The following ALK variants were observed in gnomAD, a reference collection of about 807,000 sequenced individuals.
The protein encoded by ALK is ALK receptor tyrosine kinase.
A neutral mutation model predicts 163.1 loss-of-function variants in ALK; 74 were observed. That is an observed-to-expected ratio of 0.45 (90% CI 0.38 to 0.55). The LOEUF is 0.55. Among genes scored for constraint, ALK ranks in the 20% least tolerant of loss-of-function variants. The pLI, the probability that ALK is intolerant of heterozygous loss-of-function variation, is 0.00. For synonymous variants in ALK, 960 were observed against 843.2 expected, an observed-to-expected ratio of 1.14 and a Z score of -2.40; for missense variants, 2,063 against 2,105.3, an observed-to-expected ratio of 0.98 and a Z score of 0.39.
intron 2 of ALK, among the ~76,000 whole-genome samples, chr2:29,705,976 G>A (rs561253139): frequency 4.6e-5 from 7 of 152,300 alleles, no homozygotes; most frequent in South Asian, 2.1e-4. Flanking sequence ...GTGGAGAAAC[G>A]TGTGCTCCTC....
In ALK at chr2:29,327,459, G is replaced by A. The variant is rs192222329; in HGVS notation, c.1414+891C>T. 1.9e-4 allele frequency among the ~76,000 whole-genome samples: 29 copies of A among 152,244 alleles called. No homozygotes were observed. The East Asian group carries it at 4.8e-3, about 25-fold the overall frequency. On this transcript the variant is annotated intron_variant, in intron 6 of 28. Transcript: ENST00000389048. The stretch of plus-strand genomic sequence containing the variant: ...AAAAGACAGATAATATGACGTGTTG[G>A]CAAAGATATGGAGAAAGTGGGCCCC...
At chr2:29,470,072 G>C (rs948860074) in intron 4 of ALK, among the ~76,000 whole-genome samples, 2 of 152,094 alleles carry the variant, frequency 1.3e-5, no homozygotes, top group African/African-American at 4.8e-5. Flanking sequence ...AATTCTAGAA[G>C]TGAAAAATAC....
intron 5 of ALK, among the ~76,000 whole-genome samples, chr2:29,381,647 G>A (rs1270795994): frequency 1.3e-5 from 2 of 152,164 alleles, no homozygotes; most frequent in Admixed American, 1.3e-4. Flanking sequence ...CCTTCCTACA[G>A]TCCTGGCCAG....
chr2:29,854,950 CTCTT>C (rs968935060), intron 1 of ALK, among the ~76,000 whole-genome samples: 31 of 152,136 alleles, frequency 2.0e-4, no homozygotes, highest in African/African-American at 7.0e-4. Flanking sequence ...GATCTACCCT[CTCTT>C]TCTTTTTCTT....
intron 3 of ALK, among the ~76,000 whole-genome samples, chr2:29,573,602 A>G (rs1251417966): frequency 6.6e-6 from 1 of 152,238 alleles, no homozygotes; most frequent in Admixed American, 6.5e-5. Flanking sequence ...GAACACCGTC[A>G]GGCCCATTCA....
chr2:29,206,776 GGTGTGTGTGTGTGT>G (rs3028218), intron 26 of ALK, among the ~76,000 whole-genome samples: 7 of 150,268 alleles, frequency 4.7e-5, no homozygotes, highest in Non-Finnish European at 8.9e-5. Context: ...TCCCTTTATT[GGTGTGTGTGTGTGT>G]GTGTGTGTGT....
intron 1 of ALK, among the ~76,000 whole-genome samples, chr2:29,781,926 G>A (rs970185587): frequency 3.9e-5 from 6 of 152,232 alleles, no homozygotes; most frequent in South Asian, 2.1e-4. Flanking sequence ...TGGTCGCCCC[G>A]ACAGCCTGAG....
At chr2:29,544,678 T>C (rs1200338344) in intron 3 of ALK, among the ~76,000 whole-genome samples, 1 of 152,030 alleles carries the variant, frequency 6.6e-6, no homozygotes, top group East Asian at 1.9e-4. Context: ...AAGTCTTTTC[T>C]GCTTGTCTGA....
rs181699771 is a variant in ALK, at chr2:29,584,192, C to T, written c.953-52076G>A. Among the ~76,000 whole-genome samples, 53 of 152,236 alleles carry T rather than the reference C, an allele frequency of 3.5e-4. 1 individual carries two copies. The East Asian group carries it at 9.3e-3, about 27-fold the overall frequency. ...CCTAGGAAACATCTTTGAGTTAAAT[C>T]TAGCAAGATTTACTGAAGGGCAAGG... is the stretch of plus-strand genomic sequence containing the variant. On this transcript the variant is annotated intron_variant, in intron 3 of 28. Transcript: ENST00000389048.
At chr2:29,778,868 C>T (rs72788226) in intron 1 of ALK, among the ~76,000 whole-genome samples, 4,572 of 152,148 alleles carry the variant, frequency 0.03, 84 homozygotes, top group East Asian at 0.08. Context: ...ATAAAGAAAA[C>T]CTTAAGGCCG....
intron 1 of ALK, among the ~76,000 whole-genome samples, chr2:29,821,952 C>T (rs1420851006): frequency 1.3e-5 from 2 of 152,156 alleles, no homozygotes; most frequent in African/African-American, 4.8e-5. Context: ...TTCCTTCCTA[C>T]CTATTAGAAA....
intron 3 of ALK, among the ~76,000 whole-genome samples, chr2:29,685,579 T>C (rs965268075): frequency 2.6e-5 from 4 of 152,182 alleles, no homozygotes; most frequent in African/African-American, 9.7e-5. Flanking sequence ...TGTCTTGAAG[T>C]CCCCATCAGT....
chr2:29,626,824 C>A (rs1676207164), intron 3 of ALK, among the ~76,000 whole-genome samples: 1 of 152,194 alleles, frequency 6.6e-6, no homozygotes, highest in Admixed American at 6.5e-5. Context: ...GCAGCCTGAG[C>A]AGACTGAGAC....
At chr2:29,703,653 T>C (rs2631965) in intron 2 of ALK, among the ~76,000 whole-genome samples, 132,340 of 152,252 alleles carry the variant, frequency 0.87, 57,779 homozygotes, top group African/African-American at 0.95. Context: ...AGAAATAGTA[T>C]TCCAATTGTC....
At chr2:29,480,258 C>T (rs554246187) in intron 4 of ALK, among the ~76,000 whole-genome samples, 16 of 151,832 alleles carry the variant, frequency 1.1e-4, no homozygotes, top group Middle Eastern at 3.4e-3. Context: ...GAGGATGAGG[C>T]GAGGCTTTAG....
chr2:29,427,845 G>C (rs983572022), intron 4 of ALK, among the ~76,000 whole-genome samples: 5 of 151,990 alleles, frequency 3.3e-5, no homozygotes, highest in Admixed American at 3.3e-4. Context: ...AAATGCACAG[G>C]AAACTTTCTC....
At chr2:29,498,401 G>C (rs1301689031) in intron 4 of ALK, among the ~76,000 whole-genome samples, 1 of 151,888 alleles carries the variant, frequency 6.6e-6, no homozygotes, top group Non-Finnish European at 1.5e-5. Flanking sequence ...AGCCTGTAGG[G>C]TCTTGGTATG....
intron 1 of ALK, among the ~76,000 whole-genome samples, chr2:29,729,319 G>C (rs542250967): frequency 6.6e-6 from 1 of 152,196 alleles, no homozygotes; most frequent in East Asian, 1.9e-4. Flanking sequence ...GAGGCAAAGA[G>C]GGAGGGGAGA....
intron 1 of ALK, among the ~76,000 whole-genome samples, chr2:29,786,030 A>C (rs1664007815): frequency 1.3e-5 from 2 of 152,146 alleles, no homozygotes; most frequent in South Asian, 4.1e-4. Flanking sequence ...GGCTTTAAAA[A>C]GTTTTCGCCA....
Sources: allele counts gnomAD v4.1 joint callset (sites outside exome capture counted in the v4.1 genomes callset), GRCh38; gene constraint gnomAD v4.1.1; transcripts MANE v1.5; gene names NCBI Gene and HGNC (gene_info 2026-07-23, HGNC 2026-07-21).